Variants in MDFIC2 observed in about 807,000 individuals in gnomAD.
MDFIC2 encodes MyoD family inhibitor domain containing 2, also known as myoD family inhibitor domain-containing protein 2.
intron 2 of MDFIC2, among the ~76,000 whole-genome samples, chr3:70,283,250 T>C (rs948622514): frequency 2.0e-4 from 31 of 152,096 alleles, no homozygotes; most frequent in African/African-American, 7.5e-4. Context: ...GGGAACCTTG[T>C]AAACTCATGC....
intron 3 of MDFIC2, chr3:70,205,795 A>G (rs1701284936): frequency 6.6e-6 from 1 of 152,136 alleles, no homozygotes; most frequent in Non-Finnish European, 1.5e-5. Context: ...ATACCTTGTT[A>G]CATTTTCCTT....
intron 2 of MDFIC2, among the ~76,000 whole-genome samples, chr3:70,231,415 C>T (rs542769493): frequency 1.3e-5 from 2 of 152,196 alleles, no homozygotes; most frequent in Non-Finnish European, 2.9e-5. Flanking sequence ...AGCTCTACCC[C>T]CAGAGCTCCC....
intron 2 of MDFIC2, among the ~76,000 whole-genome samples, chr3:70,247,626 C>G (rs547086742): frequency 2.9e-4 from 44 of 151,852 alleles, no homozygotes; most frequent in Non-Finnish European, 5.7e-4. Context: ...TTTTAATCTT[C>G]AGAATTTATG....
intron 3 of MDFIC2, among the ~76,000 whole-genome samples, chr3:70,199,371 T>A (rs541419392): frequency 2.7e-5 from 4 of 150,652 alleles, no homozygotes; most frequent in Non-Finnish European, 5.9e-5. Flanking sequence ...GTAGATTTTA[T>A]TTACAAAAGA....
intron 2 of MDFIC2, among the ~76,000 whole-genome samples, chr3:70,311,485 A>G (rs1702452914): frequency 6.6e-6 from 1 of 152,178 alleles, no homozygotes; most frequent in South Asian, 2.1e-4. Flanking sequence ...CTATTTGTAG[A>G]CATATTTTCC....
intron 3 of MDFIC2, among the ~76,000 whole-genome samples, chr3:70,198,136 A>G (rs1375652967): frequency 6.6e-6 from 1 of 152,204 alleles, no homozygotes; most frequent in Non-Finnish European, 1.5e-5. Context: ...TTCATGTGAT[A>G]TATTACCTAA....
intron 2 of MDFIC2, among the ~76,000 whole-genome samples, chr3:70,213,356 T>C (rs1701369224): frequency 6.6e-6 from 1 of 152,156 alleles, no homozygotes; most frequent in Non-Finnish European, 1.5e-5. Flanking sequence ...ATGAAAATTA[T>C]TAGATAAGAC....
intron 2 of MDFIC2, among the ~76,000 whole-genome samples, chr3:70,282,946 A>C (rs2106683590): frequency 6.6e-6 from 1 of 152,300 alleles, no homozygotes; most frequent in South Asian, 2.1e-4. Context: ...GACTCTTATA[A>C]CCATTGAGTG....
At chr3:70,272,064 T>C (rs993106423) in intron 2 of MDFIC2, 3 of 152,220 alleles carry the variant, frequency 2.0e-5, no homozygotes, top group Non-Finnish European at 4.4e-5. Context: ...TGTCTGGCTA[T>C]GGCTAACACT....
intron 2 of MDFIC2, among the ~76,000 whole-genome samples, chr3:70,298,236 C>G (rs1024717896): frequency 1.3e-5 from 2 of 152,038 alleles, no homozygotes; most frequent in East Asian, 3.9e-4. Context: ...TTAATCTGAT[C>G]ATAGTTGATT....
chr3:70,261,958 C>T (rs918531385), intron 2 of MDFIC2, among the ~76,000 whole-genome samples: 1 of 152,154 alleles, frequency 6.6e-6, no homozygotes. Context: ...CTCTGCCCTG[C>T]CAGCACTTCT....
intron 2 of MDFIC2, among the ~76,000 whole-genome samples, chr3:70,265,934 A>G (rs1440614083): frequency 2.0e-5 from 3 of 152,040 alleles, no homozygotes; most frequent in Non-Finnish European, 4.4e-5. Context: ...TGATCCAGTT[A>G]CCTCCACCTG....
At chr3:70,256,092 G>C (rs1466011413) in intron 2 of MDFIC2, among the ~76,000 whole-genome samples, 1 of 152,100 alleles carries the variant, frequency 6.6e-6, no homozygotes, top group African/African-American at 2.4e-5. Flanking sequence ...CAGGGTTTTA[G>C]GTAATGGAGC....
intron 2 of MDFIC2, among the ~76,000 whole-genome samples, chr3:70,213,279 G>T (rs1016357102): frequency 2.0e-5 from 3 of 152,066 alleles, no homozygotes; most frequent in African/African-American, 7.2e-5. Context: ...CTATTGCCAA[G>T]TTGCCTGTGG....
At chr3:70,306,336 C>A (rs1559559611) in intron 2 of MDFIC2, among the ~76,000 whole-genome samples, 1 of 152,182 alleles carries the variant, frequency 6.6e-6, no homozygotes, top group African/African-American at 2.4e-5. Flanking sequence ...TGGTCTCAAA[C>A]TCCTGACCTC....
rs78677995 is a variant in MDFIC2, at chr3:70,199,380, G to GA, written c.311-2196dup. Among the ~76,000 whole-genome samples the GA allele has an allele frequency of 6.7e-5, 10 of 149,778 alleles. No individual in the cohort carries two copies. The East Asian group carries it at 1.6e-3, about 23-fold the overall frequency. On this transcript the variant is annotated intron_variant, in intron 3 of 3. Coordinates refer to ENST00000567252, the MANE Select transcript of MDFIC2 (RefSeq NM_001364677.1). ...TATACTGTAGATTTTATTTACAAAAGAAAAAAAAAAGTTTTGGCTTAATCC... is the reference window on the plus strand; with the variant it reads ...TATACTGTAGATTTTATTTACAAAAGAAAAAAAAAAAGTTTTGGCTTAATCC...
intron 2 of MDFIC2, among the ~76,000 whole-genome samples, chr3:70,286,457 T>C (rs1482536136): frequency 1.3e-5 from 2 of 151,934 alleles, no homozygotes; most frequent in Non-Finnish European, 2.9e-5. Flanking sequence ...TTTTGGTTAC[T>C]GTAGCCTTGT....
At chr3:70,213,329 A>G (rs1462733623) in intron 2 of MDFIC2, among the ~76,000 whole-genome samples, 1 of 152,142 alleles carries the variant, frequency 6.6e-6, no homozygotes, top group Non-Finnish European at 1.5e-5. Context: ...TGTGAGCAGT[A>G]AACTCCAGAA....
chr3:70,298,543 T>C (rs555525476), intron 2 of MDFIC2, among the ~76,000 whole-genome samples: 1 of 152,276 alleles, frequency 6.6e-6, no homozygotes, highest in Admixed American at 6.6e-5. Context: ...ATCACTGTGA[T>C]CTACAGATAA....
Sources: gnomAD v4.1 joint callset for allele counts (sites outside exome capture counted in the v4.1 genomes callset) on GRCh38, gnomAD v4.1.1 for gene constraint, MANE v1.5 for transcripts, NCBI Gene and HGNC (gene_info 2026-07-23, HGNC 2026-07-21) for gene names.